COL17A1: variants seen among roughly 807,000 people sequenced by gnomAD.
COL17A1 encodes the protein collagen alpha-1(XVII) chain.
Under a neutral mutation model 218.4 loss-of-function variants are expected in COL17A1, and 181 were observed. The ratio of observed to expected loss-of-function variants is 0.83; its 90% CI spans 0.73 to 0.94. The LOEUF is 0.94. COL17A1 is among the 40% of genes least tolerant of loss of function. COL17A1 has a pLI of 0.00. For synonymous variants in COL17A1, 721 were observed against 731.0 expected (o/e 0.99, Z 0.22); for missense variants, 1,924 against 1,945.9 (o/e 0.99, Z 0.21).
Position 104,050,109 on chromosome 10 carries a change from T to G in COL17A1, c.2144A>C (p.Lys715Thr), listed in dbSNP as rs528258207. 35 of 1,614,126 alleles carry G rather than the reference T, an allele frequency of 2.2e-5. 1 individual carries two copies. The South Asian group carries it at 3.5e-4, about 16-fold the overall frequency. The change falls in exon 28 of 56, where the codon AAA becomes ACA. Residue 715 changes from lysine to threonine, a missense_variant. Physicochemically the swap from Lys to Thr is moderately conservative, Grantham distance 78 (BLOSUM62 -1). Coordinates refer to ENST00000648076, the MANE Select transcript of COL17A1 (RefSeq NM_000494.4). Reference protein sequence around the residue: ...PPGPKGDQGEKGPRGLTGEPG... With the variant: ...PPGPKGDQGETGPRGLTGEPG... Reference sequence around the variant, plus strand: ...CTGACCTGTGAGGCCTCGAGGTCCTTTCTCACCCTGGTCACCTAAAGCAAA... The same window carrying G: ...CTGACCTGTGAGGCCTCGAGGTCCTGTCTCACCCTGGTCACCTAAAGCAAA...
chr10:104,036,106 GT>G (rs2086291538), intron 48 of COL17A1, among the ~76,000 whole-genome samples: 3 of 732 alleles, frequency 4.1e-3, no homozygotes, highest in Admixed American at 0.023. Flanking sequence ...GTGTATGGGA[GT>G]GTGTGTGTAT....
intron 53 of COL17A1, 105 bp downstream of exon 53, chr10:104,033,133 A>T: frequency 6.5e-7 from 1 of 1,536,394 alleles, no homozygotes; most frequent in Middle Eastern, 1.7e-4. Flanking sequence ...GAGCATCTCA[A>T]ATGTTAATAA....
intron 29 of COL17A1, 116 bp downstream of exon 29, chr10:104,049,293 C>T: frequency 1.1e-6 from 1 of 925,266 alleles, no homozygotes; most frequent in Non-Finnish European, 1.8e-6. Context: ...GGAGACTCTA[C>T]CAGGAGTGGG....
At position 104,050,832 on chromosome 10, in the gene COL17A1, C is replaced by A; in HGVS notation, c.2092+16G>T. 1 of 1,614,130 alleles carries A rather than the reference C, an allele frequency of 6.2e-7. No homozygotes were observed. Among genetic ancestry groups the A allele is most frequent in the East Asian group, 2.2e-5 (1 of 44,880 alleles). On this transcript the variant is annotated intron_variant, in intron 26 of 55. Coordinates refer to ENST00000648076, the MANE Select transcript of COL17A1 (RefSeq NM_000494.4). ...ATCAGACCCTCACTGTCCCCCCAGG[C>A]CTCCCTCCAGCTTACCTTTGACACC...
At chr10:104,076,269 T>C (rs1285217829) in intron 5 of COL17A1, 32 bp downstream of exon 5, 1 of 1,613,330 alleles carries the variant, frequency 6.2e-7, no homozygotes, top group East Asian at 2.2e-5. Flanking sequence ...GGGAAGAGAA[T>C]GGTTCTCTTG....
intron 26 of COL17A1, 75 bp downstream of exon 26, chr10:104,050,773 A>C: frequency 1.2e-6 from 2 of 1,613,938 alleles, no homozygotes; most frequent in Non-Finnish European, 1.7e-6. Flanking sequence ...CCCCTCTTGC[A>C]CTTGTCAGCC....
chr10:104,063,517 G>C (rs1286030083), intron 11 of COL17A1: 1 of 606,522 alleles, frequency 1.6e-6, no homozygotes, highest in African/African-American at 1.8e-5. Flanking sequence ...GAAAATAAAG[G>C]CGCCACCTTA....
intron 28 of COL17A1, among the ~76,000 whole-genome samples, chr10:104,049,866 C>A (rs1589564713): frequency 6.6e-6 from 1 of 152,174 alleles, no homozygotes; most frequent in Non-Finnish European, 1.5e-5. Context: ...CCTACACTTT[C>A]TTTTTTGCTC....
At position 104,033,265 on chromosome 10, in the gene COL17A1, T is replaced by A; in HGVS notation, c.4267A>T (p.Thr1423Ser). Residue 1423 changes from threonine to serine, a missense_variant, in exon 53 of 56, where the codon ACT becomes TCT. Physicochemically the swap from Thr to Ser is moderately conservative, Grantham distance 58. Transcript: ENST00000648076. ...SKVFSAYSNV[T>S]ADLMDFFQTY... ...TGGAAGAAGTCCATGAGGTCCGCAG[T>A]CACGTTGCTGTAGGCAGAGAAGACC... 6 of 1,592,100 alleles carry A rather than the reference T, an allele frequency of 3.8e-6. No homozygotes were observed. The highest frequency in any genetic ancestry group is 5.1e-6 in the Non-Finnish European group (6 of 1,169,238).
intron 8 of COL17A1, 55 bp from the exon 9 acceptor site, chr10:104,070,624 C>T: frequency 6.2e-7 from 1 of 1,613,568 alleles, no homozygotes; most frequent in Non-Finnish European, 8.5e-7. Context: ...TCCTGAGTCC[C>T]TGTGCAACTG....
intron 9 of COL17A1, among the ~76,000 whole-genome samples, chr10:104,068,944 A>G (rs2086648244): frequency 6.6e-6 from 1 of 152,208 alleles, no homozygotes; most frequent in South Asian, 2.1e-4. Flanking sequence ...ATGATAAGCA[A>G]ACCCATAATG....
chr10:104,040,538 A>T, intron 39 of COL17A1, 128 bp from the exon 40 acceptor site: 2 of 439,770 alleles, frequency 4.5e-6, no homozygotes, highest in Admixed American at 2.4e-5. Context: ...GGATGGATGG[A>T]TGAATGGGTG....
intron 36 of COL17A1, among the ~76,000 whole-genome samples, chr10:104,041,874 C>T (rs1011570118): frequency 3.2e-5 from 4 of 126,186 alleles, no homozygotes; most frequent in Non-Finnish European, 5.3e-5. Context: ...TTCTCAACCT[C>T]TTTCAGCCTC....
intron 48 of COL17A1, among the ~76,000 whole-genome samples, chr10:104,035,944 G>A (rs1382734351): frequency 6.9e-6 from 1 of 145,398 alleles, no homozygotes; most frequent in Admixed American, 6.7e-5. Context: ...GGGAGTGTAT[G>A]GGAGTGTGAG....
At chr10:104,047,230 G>T (rs1419331400) in intron 31 of COL17A1, among the ~76,000 whole-genome samples, 1 of 151,830 alleles carries the variant, frequency 6.6e-6, no homozygotes, top group African/African-American at 2.4e-5. Flanking sequence ...TGTTCTTCCT[G>T]CAACCCTGAG....
chr10:104,052,255 C>G, intron 23 of COL17A1, 38 bp from the exon 24 acceptor site: 1 of 1,613,212 alleles, frequency 6.2e-7, no homozygotes, highest in Non-Finnish European at 8.5e-7. Flanking sequence ...TTGGGAGAGG[C>G]CCCAGTGTGG....
intron 5 of COL17A1, among the ~76,000 whole-genome samples, chr10:104,075,852 CTCG>C (rs1483047184): frequency 6.6e-6 from 1 of 152,226 alleles, no homozygotes; most frequent in African/African-American, 2.4e-5. Flanking sequence ...CAAACTCTTA[CTCG>C]TCATGAGGAC....
At chr10:104,056,418 T>TA (rs1589568185) in intron 17 of COL17A1, among the ~76,000 whole-genome samples, 1 of 151,828 alleles carries the variant, frequency 6.6e-6, no homozygotes, top group Non-Finnish European at 1.5e-5. Context: ...CCATCTCTAC[T>TA]AAAAATACAA....
rs377065569 is a variant in COL17A1, at chr10:104,043,558, G to A, written c.2458C>T (p.Pro820Ser). The A allele has an allele frequency of 1.4e-5, 22 of 1,613,772 alleles. No homozygotes were observed. In the African/African-American group the frequency reaches 2.7e-4, roughly 20 times the overall value. ...GCTCCAGGAGGTCCTGGGGGGCCTG[G>A]GACAGTGAGCATCGATGACCCCTCT... ...TSEGSSMLTV[P>S]GPPGPPGAMG... is the part of the protein sequence containing the mutation. The change falls in exon 35 of 56, where the codon CCA becomes TCA. Residue 820 changes from proline to serine, a missense_variant. Pro to Ser is a moderately conservative substitution (Grantham distance 74). Coordinates refer to ENST00000648076, the MANE Select transcript of COL17A1 (RefSeq NM_000494.4).
Sources: allele counts gnomAD v4.1 joint callset (sites outside exome capture counted in the v4.1 genomes callset), GRCh38; gene constraint gnomAD v4.1.1; transcripts MANE v1.5; gene names NCBI Gene and HGNC (gene_info 2026-07-23, HGNC 2026-07-21).